DLG2: variants seen among roughly 807,000 people sequenced by gnomAD.
DLG2 encodes discs large MAGUK scaffold protein 2.
In DLG2, 45 loss-of-function variants were observed where a neutral mutation model predicts 132.5. The observed-to-expected ratio is 0.34, with a 90% CI of 0.27 to 0.44. The LOEUF (loss-of-function observed/expected upper bound fraction) is 0.44, where lower values mean the gene tolerates loss of function less well. Among genes scored for constraint, DLG2 ranks in the 20% least tolerant of loss-of-function variants. DLG2 has a pLI of 1.00. For missense variants in DLG2, 1,045 were observed against 1,196.9 expected (o/e 0.87, Z 1.87); for synonymous variants, 424 against 419.6 (o/e 1.01, Z -0.13).
intron 8 of DLG2, among the ~76,000 whole-genome samples, chr11:84,224,281 G>T (rs1235091376): frequency 2.6e-5 from 4 of 152,226 alleles, no homozygotes; most frequent in Admixed American, 2.0e-4. Context: ...CTAACAGTCA[G>T]ATGCCCCAGT....
chr11:84,162,431 T>C (rs2095567388), intron 9 of DLG2, among the ~76,000 whole-genome samples: 1 of 151,892 alleles, frequency 6.6e-6, no homozygotes, highest in Non-Finnish European at 1.5e-5. Context: ...TCCTTGCAAT[T>C]ACATATTTTT....
At chr11:84,403,429 G>A (rs1415955818) in intron 7 of DLG2, among the ~76,000 whole-genome samples, 1 of 152,140 alleles carries the variant, frequency 6.6e-6, no homozygotes, top group Admixed American at 6.6e-5. Context: ...TTATCTCCAT[G>A]TCTTTTGTAT....
Position 85,054,291 on chromosome 11 carries a change from A to G in DLG2, c.357+57370T>C, listed in dbSNP as rs530620200. Among the ~76,000 whole-genome samples, 12 of 152,128 alleles carry G rather than the reference A, an allele frequency of 7.9e-5. No individual in the cohort carries two copies. The South Asian group carries it at 1.5e-3, about 18-fold the overall frequency. On this transcript the variant is annotated intron_variant, in intron 6 of 27. Coordinates refer to ENST00000376104, the MANE Select transcript of DLG2 (RefSeq NM_001142699.3). The stretch of plus-strand genomic sequence containing the variant: ...AAAAAAAAAAAGAAAGAAAAGAAAA[A>G]AAGAAATGCAAATCAAAATCACAAT...
At chr11:83,880,413 T>C (rs544663253) in intron 15 of DLG2, among the ~76,000 whole-genome samples, 30 of 152,260 alleles carry the variant, frequency 2.0e-4, no homozygotes, top group Middle Eastern at 6.8e-3. Flanking sequence ...AGAGGTAGAA[T>C]ATTCAGGAAT....
At chr11:83,835,761 G>A (rs2055975874) in intron 16 of DLG2, among the ~76,000 whole-genome samples, 2 of 152,198 alleles carry the variant, frequency 1.3e-5, no homozygotes, top group South Asian at 4.1e-4. Context: ...AAGTCAAGGT[G>A]TCAGCCAGGC....
At chr11:83,561,345 C>T (rs896719884) in intron 19 of DLG2, among the ~76,000 whole-genome samples, 5 of 152,240 alleles carry the variant, frequency 3.3e-5, no homozygotes, top group Non-Finnish European at 7.4e-5. Context: ...ACCCACCCAT[C>T]CAGGACTCAG....
chr11:84,565,535 C>A (rs1460694173), intron 6 of DLG2, among the ~76,000 whole-genome samples: 1 of 152,020 alleles, frequency 6.6e-6, no homozygotes, highest in African/African-American at 2.4e-5. Flanking sequence ...GGTTTCCAAC[C>A]CTTAGAAAAA....
At chr11:84,502,405 T>C (rs1235712475) in intron 7 of DLG2, among the ~76,000 whole-genome samples, 3 of 109,532 alleles carry the variant, frequency 2.7e-5, no homozygotes, top group Admixed American at 1.9e-4. Context: ...TTTCTTTCTT[T>C]CTTTCTTTCT....
chr11:84,611,795 G>A (rs1416911863), intron 6 of DLG2, among the ~76,000 whole-genome samples: 1 of 152,134 alleles, frequency 6.6e-6, no homozygotes, highest in East Asian at 1.9e-4. Context: ...ATACCTTTAT[G>A]CCAAAGATGT....
At chr11:84,807,050 G>A (rs1598548362) in intron 6 of DLG2, among the ~76,000 whole-genome samples, 1 of 151,990 alleles carries the variant, frequency 6.6e-6, no homozygotes, top group African/African-American at 2.4e-5. Context: ...ACATACTCTA[G>A]GAAAATAAAA....
intron 6 of DLG2, among the ~76,000 whole-genome samples, chr11:84,572,038 G>A (rs1284191074): frequency 6.6e-6 from 1 of 150,754 alleles, no homozygotes; most frequent in Non-Finnish European, 1.5e-5. Flanking sequence ...GTCCTTAAGT[G>A]GATTCTAGAT....
rs145823496 is a variant in DLG2, at chr11:85,094,791, T to C, written c.357+16870A>G. Among the ~76,000 whole-genome samples the C allele has an allele frequency of 5.1e-3, 771 of 152,334 alleles. 4 individuals carry two copies. The highest frequency in any genetic ancestry group is 0.017 in the African/African-American group (699 of 41,578). ...GTGCTTACTGGAGTAGCACTATTAA[T>C]TTCCTTCAAGAACTTTTCCTTTGCA... On this transcript the variant is annotated intron_variant, in intron 6 of 27. Transcript: ENST00000376104.
chr11:84,607,296 C>A (rs1273766471), intron 6 of DLG2, among the ~76,000 whole-genome samples: 1 of 152,104 alleles, frequency 6.6e-6, no homozygotes, highest in Non-Finnish European at 1.5e-5. Context: ...GAGTCAGAAG[C>A]AAGTATACAG....
chr11:85,302,920 T>C (rs2079690774), intron 3 of DLG2, among the ~76,000 whole-genome samples: 1 of 152,210 alleles, frequency 6.6e-6, no homozygotes, highest in Non-Finnish European at 1.5e-5. Context: ...TGCAACTACC[T>C]ATGAAGTGGG....
At chr11:84,508,330 T>G (rs1359426435) in intron 7 of DLG2, among the ~76,000 whole-genome samples, 1 of 152,172 alleles carries the variant, frequency 6.6e-6, no homozygotes, top group Non-Finnish European at 1.5e-5. Flanking sequence ...GTATATTCTC[T>G]CTCCAATATA....
intron 18 of DLG2, among the ~76,000 whole-genome samples, chr11:83,760,230 G>A (rs1593832700): frequency 6.6e-6 from 1 of 152,226 alleles, no homozygotes; most frequent in East Asian, 1.9e-4. Context: ...TTGTCTCCAG[G>A]CTTATGATGA....
At chr11:85,211,918 G>C (rs935986852) in intron 4 of DLG2, among the ~76,000 whole-genome samples, 1 of 151,740 alleles carries the variant, frequency 6.6e-6, no homozygotes, top group Non-Finnish European at 1.5e-5. Context: ...TGCCTGGCAA[G>C]GAAAAAGGTC....
chr11:83,980,121 T>C (rs2092653110), intron 12 of DLG2, among the ~76,000 whole-genome samples: 1 of 152,160 alleles, frequency 6.6e-6, no homozygotes, highest in Non-Finnish European at 1.5e-5. Context: ...TATTTGAGGA[T>C]AGGCTCTATA....
chr11:84,770,711 T>C (rs1272807239), intron 6 of DLG2, among the ~76,000 whole-genome samples: 2 of 151,106 alleles, frequency 1.3e-5, no homozygotes, highest in Non-Finnish European at 2.9e-5. Flanking sequence ...AGTGGCACGA[T>C]CTCGGCTCCC....
Sources: gnomAD v4.1 joint callset for allele counts (sites outside exome capture counted in the v4.1 genomes callset) on GRCh38, gnomAD v4.1.1 for gene constraint, MANE v1.5 for transcripts, NCBI Gene and HGNC (gene_info 2026-07-23, HGNC 2026-07-21) for gene names.